Variants in TMEM63C observed in about 807,000 individuals in gnomAD.
TMEM63C encodes the protein osmosensitive cation channel TMEM63C.
A neutral mutation model predicts 99.2 loss-of-function variants in TMEM63C; 32 were observed. The observed-to-expected ratio is 0.32, with a 90% CI of 0.24 to 0.43. TMEM63C has a LOEUF of 0.43. TMEM63C is among the 20% of genes least tolerant of loss of function. TMEM63C has a pLI of 1.00. For missense variants in TMEM63C, 826 were observed against 1,053.0 expected, an observed-to-expected ratio of 0.78 and a Z score of 2.98; for synonymous variants, 376 against 397.9, an observed-to-expected ratio of 0.94 and a Z score of 0.66.
intron 7 of TMEM63C, 82 bp downstream of exon 7, chr14:77,231,812 G>A: frequency 6.9e-7 from 1 of 1,455,920 alleles, no homozygotes; most frequent in Non-Finnish European, 9.4e-7. Flanking sequence ...GGGGTTGAGG[G>A]TCTAGACATC....
intron 1 of TMEM63C, among the ~76,000 whole-genome samples, chr14:77,190,796 G>T (rs891704118): frequency 2.0e-5 from 3 of 152,186 alleles, no homozygotes; most frequent in African/African-American, 7.2e-5. Context: ...GTATGCCTAT[G>T]TGTGCTTGTG....
intron 1 of TMEM63C, among the ~76,000 whole-genome samples, chr14:77,208,394 C>T (rs1888441893): frequency 1.3e-5 from 2 of 152,202 alleles, no homozygotes; most frequent in African/African-American, 4.8e-5. Flanking sequence ...CCACCCCCTC[C>T]CTGGGAGCCA....
intron 21 of TMEM63C, among the ~76,000 whole-genome samples, chr14:77,251,272 A>G (rs1014961961): frequency 6.6e-6 from 1 of 152,266 alleles, no homozygotes; most frequent in Admixed American, 6.5e-5. Context: ...GCTGTAAAGC[A>G]TAATTTAAAC....
intron 1 of TMEM63C, among the ~76,000 whole-genome samples, chr14:77,212,045 G>A (rs550688812): frequency 6.6e-6 from 1 of 152,208 alleles, no homozygotes; most frequent in Non-Finnish European, 1.5e-5. Context: ...CCCCAGAACA[G>A]AGAGGCTGGA....
intron 1 of TMEM63C, among the ~76,000 whole-genome samples, 166 bp downstream of exon 1, chr14:77,182,060 A>G (rs1887923724): frequency 6.6e-6 from 1 of 152,142 alleles, no homozygotes; most frequent in Non-Finnish European, 1.5e-5. Flanking sequence ...ACTGCGCCAC[A>G]GTCCCTTGCC....
rs384491 is a variant in TMEM63C, at chr14:77,257,126, C to A, written c.*400C>A. 0.37 allele frequency: 65,352 copies of A among 174,958 alleles called. 13,698 individuals carry two copies. The highest frequency in any genetic ancestry group is 0.67 in the East Asian group (4,002 of 6,018). 10.8% of individuals were successfully genotyped at this position (174,958 alleles called of 1,614,324 possible). A position where few individuals can be genotyped will look rare whatever the true frequency, so the allele number is the denominator to read the frequency against. On this transcript the variant is annotated 3_prime_UTR_variant, in exon 24 of 24. Transcript: ENST00000298351. ...TCACCACTCTGCATCAGCTGCCCTTCCAAGGAGCTTCTGCTGCTGCTCCTC... is the reference window on the plus strand; with the variant it reads ...TCACCACTCTGCATCAGCTGCCCTTACAAGGAGCTTCTGCTGCTGCTCCTC...
chr14:77,208,667 G>A (rs1888446022), intron 1 of TMEM63C, among the ~76,000 whole-genome samples: 1 of 152,206 alleles, frequency 6.6e-6, no homozygotes, highest in Admixed American at 6.5e-5. Flanking sequence ...GGATGCTGAG[G>A]GTATCAACCG....
At chr14:77,249,979 C>T (rs1475392940) in intron 21 of TMEM63C, among the ~76,000 whole-genome samples, 1 of 152,164 alleles carries the variant, frequency 6.6e-6, no homozygotes, top group African/African-American at 2.4e-5. Context: ...GGACTACAGG[C>T]GTGAGCTGTC....
intron 6 of TMEM63C, among the ~76,000 whole-genome samples, chr14:77,226,988 A>G (rs8012703): frequency 0.33 from 49,920 of 151,868 alleles, 9,880 homozygotes; most frequent in East Asian, 0.57. Context: ...GGCTGGCCTC[A>G]AACTCCTGAC....
intron 1 of TMEM63C, among the ~76,000 whole-genome samples, chr14:77,198,230 G>A (rs574035980): frequency 2.0e-5 from 3 of 152,370 alleles, no homozygotes; most frequent in African/African-American, 7.2e-5. Context: ...CATGGCTCAG[G>A]TGGGAAGCCT....
chr14:77,225,216 G>A (rs1247688705), intron 5 of TMEM63C, among the ~76,000 whole-genome samples: 1 of 152,190 alleles, frequency 6.6e-6, no homozygotes, highest in Non-Finnish European at 1.5e-5. Context: ...TATAACAGGA[G>A]GGCAGAGATG....
intron 6 of TMEM63C, among the ~76,000 whole-genome samples, chr14:77,229,747 C>T (rs1888901457): frequency 1.3e-5 from 2 of 151,616 alleles, no homozygotes; most frequent in Admixed American, 6.6e-5. Flanking sequence ...CCACCATGCC[C>T]AGCCACAAAT....
intron 1 of TMEM63C, chr14:77,200,979 C>CTTTTT (rs56957814): frequency 8.0e-6 from 1 of 124,326 alleles, no homozygotes; most frequent in Non-Finnish European, 1.7e-5. Flanking sequence ...TGCTGTTTGT[C>CTTTTT]TTTTTTTTTT....
At chr14:77,219,449 A>G (rs1403362063) in intron 3 of TMEM63C, 49 bp from the exon 4 acceptor site, 1 of 1,590,224 alleles carries the variant, frequency 6.3e-7, no homozygotes, top group Non-Finnish European at 8.6e-7. Context: ...AGCCAAGGGG[A>G]AGGGATCCAT....
chr14:77,200,523 T>C (rs1888282140), intron 1 of TMEM63C, among the ~76,000 whole-genome samples: 1 of 152,282 alleles, frequency 6.6e-6, no homozygotes, highest in South Asian at 2.1e-4. Flanking sequence ...CTCCCACCCA[T>C]CACTGGACCA....
At chr14:77,190,769 G>T (rs1487683307) in intron 1 of TMEM63C, among the ~76,000 whole-genome samples, 2 of 152,136 alleles carry the variant, frequency 1.3e-5, no homozygotes, top group Non-Finnish European at 2.9e-5. Flanking sequence ...GATGGATATT[G>T]CTTAACATGA....
intron 4 of TMEM63C, 89 bp downstream of exon 4, chr14:77,219,666 C>A: frequency 7.2e-7 from 1 of 1,394,362 alleles, no homozygotes; most frequent in Non-Finnish European, 1.0e-6. Context: ...AGCGCCCGAG[C>A]TGCAGCAGGT....
In TMEM63C at chr14:77,240,544, C is replaced by G; in HGVS notation, c.1000C>G (p.Arg334Gly). Reference sequence around the variant, plus strand: ...GGACGAGTTCAACGCCGAGCTCAACCGCGTGCCGCTCAAGCGGCTGGACCT... The same window carrying G: ...GGACGAGTTCAACGCCGAGCTCAACGGCGTGCCGCTCAAGCGGCTGGACCT... ...LTDEFNAELN[R>G]VPLKRLDLIF... Residue 334 changes from arginine (R) to glycine (G), a missense_variant, in exon 13 of 24, where the codon CGC (arginine) becomes GGC (glycine). Transcript: ENST00000298351. 1 of 1,612,026 alleles carries G rather than the reference C, an allele frequency of 6.2e-7. No homozygotes were observed. The highest frequency in any genetic ancestry group is 8.5e-7 in the Non-Finnish European group (1 of 1,179,852).
intron 5 of TMEM63C, among the ~76,000 whole-genome samples, chr14:77,220,649 C>T (rs997003075): frequency 1.3e-5 from 2 of 152,150 alleles, no homozygotes; most frequent in Non-Finnish European, 2.9e-5. Flanking sequence ...CCTCATGGCG[C>T]TGTCTTCCCC....
Sources: gnomAD v4.1 joint callset for allele counts (sites outside exome capture counted in the v4.1 genomes callset) on GRCh38, gnomAD v4.1.1 for gene constraint, MANE v1.5 for transcripts, NCBI Gene and HGNC (gene_info 2026-07-23, HGNC 2026-07-21) for gene names.